The following ADAM11 variants were observed in gnomAD, a reference collection of about 807,000 sequenced individuals.
The protein encoded by ADAM11 is disintegrin and metalloproteinase domain-containing protein 11.
Under a neutral mutation model 119.1 loss-of-function variants are expected in ADAM11, and 49 were observed. The observed-to-expected ratio is 0.41, with a 90% confidence interval of 0.33 to 0.52. The LOEUF (loss-of-function observed/expected upper bound fraction) is 0.52. Ranked by LOEUF, ADAM11 falls within the 20% of genes least tolerant of loss-of-function variation. The pLI is 0.20. For missense variants in ADAM11, 777 were observed against 1,047.5 expected (o/e 0.74, Z 3.56); for synonymous variants, 364 against 408.0 (o/e 0.89, Z 1.30).
In ADAM11 at chr17:44,773,336, G is replaced by A; in HGVS notation, c.901G>A (p.Val301Met). 6.2e-7 allele frequency: 1 copy of A among 1,614,064 alleles called. No homozygotes were observed. Among genetic ancestry groups the A allele is most frequent in the Non-Finnish European group, 8.5e-7 (1 of 1,180,008 alleles). The change falls in exon 11 of 27, where the codon GTG becomes ATG. Residue 301 changes from valine (V) to methionine (M), a missense_variant. This residue lies in a region of ADAM11 where 147 missense variants were observed against 223.3 expected (regional missense o/e 0.66). Coordinates refer to ENST00000200557, the MANE Select transcript of ADAM11 (RefSeq NM_002390.6). The surrounding 1 kb of genome is among the most constrained non-coding windows in gnomAD (Gnocchi z 4.6). ...ATGGGCAGATGGGGACAAGATCCAGGTGCAGGATGACCTCCTGGAGACCCT... is the reference window on the plus strand; with the variant it reads ...ATGGGCAGATGGGGACAAGATCCAGATGCAGGATGACCTCCTGGAGACCCT... Reference protein sequence around the residue: ...ETWADGDKIQVQDDLLETLAR... With the variant: ...ETWADGDKIQMQDDLLETLAR...
At chr17:44,766,448 G>A (rs542990496) in intron 2 of ADAM11, among the ~76,000 whole-genome samples, 2 of 152,326 alleles carry the variant, frequency 1.3e-5, no homozygotes, top group South Asian at 4.1e-4. Flanking sequence ...GTACAGAGAG[G>A]ACAAGGCACA....
At position 44,772,194 on chromosome 17, in the gene ADAM11, G is replaced by T; in HGVS notation, c.544-73G>T. The T allele has an allele frequency of 7.0e-7, 1 of 1,428,494 alleles. No homozygotes were observed. The highest frequency in any genetic ancestry group is 1.2e-5 in the South Asian group (1 of 80,582). The allele number at this position is 1,428,494 out of a possible 1,614,324, so 88.5% of individuals were successfully genotyped here. A position where few individuals can be genotyped will look rare whatever the true frequency, so the allele number is the denominator to read the frequency against. ...CAGGGTGGGGTGGAGGCGAGGGCTG[G>T]ATCTGGCCCCCGCCAAGTGGGCCTG... On this transcript the variant is annotated intron_variant, in intron 6 of 26. Transcript: ENST00000200557. This position sits in a 1 kb window ranked among gnomAD's most constrained non-coding sequence, Gnocchi z 4.5.
At position 44,772,489 on chromosome 17, in the gene ADAM11, C is replaced by T. The variant is rs777238115; in HGVS notation, c.678+23C>T. ...CAGGTACGGGGGCCCGCACAGACCTCGGGCTGCAGAGACCTCGGGCTGCAG... is the reference window on the plus strand; with the variant it reads ...CAGGTACGGGGGCCCGCACAGACCTTGGGCTGCAGAGACCTCGGGCTGCAG... On this transcript the variant is annotated intron_variant, in intron 8 of 26. Transcript: ENST00000200557. The surrounding 1 kb of genome is among the most constrained non-coding windows in gnomAD (Gnocchi z 4.5). 12 of 1,555,984 alleles carry T rather than the reference C, an allele frequency of 7.7e-6. No homozygotes were observed. The African/African-American group carries it at 8.2e-5, about 11-fold the overall frequency.
In ADAM11 at chr17:44,780,556, C is replaced by CG. The variant is rs573649672; in HGVS notation, c.*810dup. On this transcript the variant is annotated 3_prime_UTR_variant, in exon 27 of 27. Transcript: ENST00000200557. ...TCAGGACACATGGATTTTGGCAGGGCGGGGGGGGTTCTAGAAAATATAGTT... is the reference window on the plus strand; with the variant it reads ...TCAGGACACATGGATTTTGGCAGGGCGGGGGGGGGTTCTAGAAAATATAGTT... 104,584 of 176,220 alleles carry CG rather than the reference C, an allele frequency of 0.59. 31,808 individuals are homozygous for CG. Among genetic ancestry groups the CG allele is most frequent in the East Asian group, 0.75 (3,880 of 5,176 alleles). 10.9% of individuals were successfully genotyped at this position (176,220 alleles called of 1,614,324 possible). A position where few individuals can be genotyped will look rare whatever the true frequency, so the allele number is the denominator to read the frequency against.
chr17:44,761,200 G>A (rs1339063606), intron 2 of ADAM11, among the ~76,000 whole-genome samples: 1 of 152,096 alleles, frequency 6.6e-6, no homozygotes, highest in Non-Finnish European at 1.5e-5. Flanking sequence ...GGAACTGATG[G>A]TCTGCCCGAC....
At chr17:44,774,881 A>C in intron 14 of ADAM11, 132 bp downstream of exon 14, 1 of 1,182,162 alleles carries the variant, frequency 8.5e-7, no homozygotes, top group Non-Finnish European at 1.2e-6. Flanking sequence ...CAAGAAGCCC[A>C]GTTTTCCGCA....
chr17:44,772,344 G>T lies in ADAM11; in HGVS notation c.610+11G>T. 9.8e-7 allele frequency: 1 copy of T among 1,024,814 alleles called. No individual in the cohort carries two copies. Among genetic ancestry groups the T allele is most frequent in the Non-Finnish European group, 1.4e-6 (1 of 705,988 alleles). The allele number at this position is 1,024,814 out of a possible 1,614,324, so 63.5% of individuals were successfully genotyped here. On this transcript the variant is annotated intron_variant, in intron 7 of 26. Transcript: ENST00000200557. The surrounding 1 kb of genome is among the most constrained non-coding windows in gnomAD (Gnocchi z 4.5). ...GATGCAGGGAACCAGGTAAGGGAGGGAAGGGGGGGTGGGGAGGGGCCGGCT... is the reference window on the plus strand; with the variant it reads ...GATGCAGGGAACCAGGTAAGGGAGGTAAGGGGGGGTGGGGAGGGGCCGGCT...
At chr17:44,778,503 C>T (rs1327812325) in intron 25 of ADAM11, among the ~76,000 whole-genome samples, 1 of 151,918 alleles carries the variant, frequency 6.6e-6, no homozygotes, top group Non-Finnish European at 1.5e-5. Flanking sequence ...ACCAGTCTGG[C>T]CAACATGGTG....
Position 44,771,810 on chromosome 17 carries a change from T to C in ADAM11, c.522T>C (p.Ala174=). The C allele has an allele frequency of 1.2e-6, 2 of 1,612,310 alleles. No homozygotes were observed. The highest frequency in any genetic ancestry group is 2.2e-5 in the South Asian group (2 of 91,046). ...ACATCGTGGAGCCCCAAGAGGTGGCTGGACCTTGGGGAGCCCCTCAGGTAA... is the reference window on the plus strand; with the variant it reads ...ACATCGTGGAGCCCCAAGAGGTGGCCGGACCTTGGGGAGCCCCTCAGGTAA... The part of the protein sequence containing the change: ...LTYIVEPQEV[A]GPWGAPQGPL... Residue 174 remains alanine (A), a synonymous_variant, in exon 6 of 27, where the codon GCT becomes GCC. Coordinates refer to ENST00000200557, the MANE Select transcript of ADAM11 (RefSeq NM_002390.6).
In ADAM11 at chr17:44,772,297, C is replaced by T. The variant is rs1428728871; in HGVS notation, c.574C>T (p.Pro192Ser). The change falls in exon 7 of 27, where the codon CCT becomes TCT. Residue 192 changes from proline to serine, a missense_variant. Pro to Ser is a moderately conservative substitution (Grantham distance 74, BLOSUM62 -1). Coordinates refer to ENST00000200557, the MANE Select transcript of ADAM11 (RefSeq NM_002390.6). The surrounding 1 kb of genome is among the most constrained non-coding windows in gnomAD (Gnocchi z 4.5). ...GPLPHLIYRT[P>S]LLPDPLGCRE... ...CCTTCCCCACCTCATTTACCGGACC[C>T]CTCTCCTCCCAGATCCCCTCGGATG... The T allele has an allele frequency of 1.2e-6, 2 of 1,608,122 alleles. No homozygotes were observed. The highest frequency in any genetic ancestry group is 1.7e-6 in the Non-Finnish European group (2 of 1,177,056).
In ADAM11 at chr17:44,771,572, C is replaced by T. The variant is rs1294940872; in HGVS notation, c.382-12C>T. 1.9e-6 allele frequency: 3 copies of T among 1,610,846 alleles called. No homozygotes were observed. The highest frequency in any genetic ancestry group is 1.3e-5 in the African/African-American group (1 of 74,922). ...TCATGCCAGCGTTCTGCTCACTGTTCTGCTCCTTCAGGGGGCTGGAGACCA... is the reference window on the plus strand; with the variant it reads ...TCATGCCAGCGTTCTGCTCACTGTTTTGCTCCTTCAGGGGGCTGGAGACCA... On this transcript the variant is annotated splice_polypyrimidine_tract_variant and intron_variant, in intron 4 of 26. Transcript: ENST00000200557.
At chr17:44,774,922 G>A (rs57652862) in intron 14 of ADAM11, among the ~76,000 whole-genome samples, 173 bp downstream of exon 14, 17 of 152,350 alleles carry the variant, frequency 1.1e-4, no homozygotes, top group African/African-American at 4.1e-4. Flanking sequence ...AGATTTCCCT[G>A]CTGGGACACC....
At position 44,771,754 on chromosome 17, in the gene ADAM11, A is replaced by G. The variant is rs547929486; in HGVS notation, c.468-2A>G. On this transcript the variant is annotated splice_acceptor_variant, in intron 5 of 26. Transcript: ENST00000200557. LOFTEE classifies it high-confidence loss of function. ...AGGGGAGCTGCGCCTCTCTCTCCAC[A>G]GTGGGGTCTTCTCTGATGGGAACTT... 6.2e-7 allele frequency: 1 copy of G among 1,613,700 alleles called. No individual in the cohort carries two copies. Among genetic ancestry groups the G allele is most frequent in the Middle Eastern group, 1.7e-4 (1 of 6,054 alleles).
In ADAM11 at chr17:44,777,887, G is replaced by C; in HGVS notation, c.2070+24G>C. 1.9e-6 allele frequency: 3 copies of C among 1,613,518 alleles called. No individual in the cohort carries two copies. The highest frequency in any genetic ancestry group is 2.5e-6 in the Non-Finnish European group (3 of 1,179,980). On this transcript the variant is annotated intron_variant, in intron 23 of 26. Transcript: ENST00000200557. This position sits in a 1 kb window ranked among gnomAD's most constrained non-coding sequence, Gnocchi z 5.1. ...GGGTGACTGCCTGGAGCCTGGGATG[G>C]CGGGAGAAGCTTACAAGAGGGGACA... is the stretch of plus-strand genomic sequence containing the variant.
intron 2 of ADAM11, among the ~76,000 whole-genome samples, chr17:44,762,247 C>G (rs899857628): frequency 6.6e-6 from 1 of 152,210 alleles, no homozygotes; most frequent in Non-Finnish European, 1.5e-5. Flanking sequence ...CACACCAGGG[C>G]ACTTCCCAGT....
In ADAM11 at chr17:44,780,338, G is replaced by T. The variant is rs555082303; in HGVS notation, c.*584G>T. 1.1e-5 allele frequency: 4 copies of T among 355,434 alleles called. No individual in the cohort carries two copies. The highest frequency in any genetic ancestry group is 2.2e-5 in the Non-Finnish European group (4 of 183,514). The allele number at this position is 355,434 out of a possible 1,614,324, so 22.0% of individuals were successfully genotyped here. A position where few individuals can be genotyped will look rare whatever the true frequency, so the allele number is the denominator to read the frequency against. On this transcript the variant is annotated 3_prime_UTR_variant, in exon 27 of 27. Transcript: ENST00000200557. ...CTCCCCAAGGATGACCACACCCGAA[G>T]TCCTGTCACTGAGCACAGTCAGGGG...
chr17:44,779,692 C>T (rs369046946), intron 26 of ADAM11, 47 bp from the exon 27 acceptor site: 41 of 1,569,584 alleles, frequency 2.6e-5, no homozygotes, highest in South Asian at 2.5e-4. Flanking sequence ...GGGCTCTCCC[C>T]GTGGCCCCTG....
In ADAM11 at chr17:44,780,230, T is replaced by C. The variant is rs577894319; in HGVS notation, c.*476T>C. ...TAATCGATGAATGTAAACTCGGGGG[T>C]GCTGGGGCCAGGGCAGATGTGGGGA... On this transcript the variant is annotated 3_prime_UTR_variant, in exon 27 of 27. Coordinates refer to ENST00000200557, the MANE Select transcript of ADAM11 (RefSeq NM_002390.6). The C allele has an allele frequency of 1.1e-4, 49 of 444,810 alleles. No individual in the cohort carries two copies. The highest frequency in any genetic ancestry group is 4.2e-4 in the Admixed American group (15 of 35,846). 27.6% of individuals were successfully genotyped at this position (444,810 alleles called of 1,614,324 possible).
chr17:44,769,769 T>C lies in ADAM11; in HGVS notation c.289T>C (p.Phe97Leu), dbSNP rs755921888. 1.9e-6 allele frequency: 3 copies of C among 1,614,092 alleles called. No individual in the cohort carries two copies. The Admixed American group carries it at 5.0e-5, about 27-fold the overall frequency. Reference protein sequence around the residue: ...SFVIPAFNSNFTLDLELNHHL... With the variant: ...SFVIPAFNSNLTLDLELNHHL... ...CGTCATCCCAGCCTTCAACTCAAAC[T>C]TCACCCTGGACCTGGAGCTGAACCA... Residue 97 changes from phenylalanine (F) to leucine (L), a missense_variant, in exon 3 of 27, where the codon TTC becomes CTC. Physicochemically the swap from Phe to Leu is conservative, Grantham distance 22. Around this residue, in one of 4 missense-constraint regions of ADAM11, gnomAD observed 278 missense variants for 310.1 expected, o/e 0.90. Transcript: ENST00000200557.
Sources: gnomAD v4.1 joint callset for allele counts (sites outside exome capture counted in the v4.1 genomes callset) on GRCh38, gnomAD v4.1.1 for gene constraint, gnomAD v4.1.1 regional missense constraint, Gnocchi (gnomAD v3.1) non-coding constraint, MANE v1.5 for transcripts, NCBI Gene and HGNC (gene_info 2026-07-23, HGNC 2026-07-21) for gene names.